RAD51B: variants seen among roughly 807,000 people sequenced by gnomAD.
The protein encoded by RAD51B is DNA repair protein RAD51 homolog 2.
RAD51B carries 38 observed loss-of-function variants against 42.2 expected under a neutral mutation model. That is an observed-to-expected ratio of 0.90 (90% confidence interval 0.70 to 1.18). The LOEUF is 1.18. Among genes scored for constraint, RAD51B ranks in the 50% most tolerant of loss-of-function variants. The pLI is 0.00. For missense variants in RAD51B, 373 were observed against 400.7 expected, an observed-to-expected ratio of 0.93 and a Z score of 0.59; for synonymous variants, 154 against 145.2, an observed-to-expected ratio of 1.06 and a Z score of -0.43.
At position 68,672,282 on chromosome 14, in the gene RAD51B, T is replaced by A. The variant is rs565669826; in HGVS notation, c.*11+21426T>A. The stretch of plus-strand genomic sequence containing the variant: ...AATCCTTACTAGTGCTAGGGAAGGA[T>A]TTAAGAACTGCTTCATGGAAGGGTG... On this transcript the variant is annotated intron_variant, in intron 11 of 11. Coordinates refer to the RAD51B transcript ENST00000488612. Among the ~76,000 whole-genome samples the A allele has an allele frequency of 4.6e-5, 7 of 152,314 alleles. No homozygotes were observed. The South Asian group carries it at 1.4e-3, about 32-fold the overall frequency.
chr14:68,143,928 C>T (rs1320756531), intron 7 of RAD51B, among the ~76,000 whole-genome samples: 4 of 152,170 alleles, frequency 2.6e-5, no homozygotes, highest in African/African-American at 4.8e-5. Context: ...TTTTTTCTCC[C>T]TCCCTTCATC....
At chr14:68,021,401 T>C (rs35803514) in intron 7 of RAD51B, among the ~76,000 whole-genome samples, 2,370 of 152,274 alleles carry the variant, frequency 0.016, 30 homozygotes, top group African/African-American at 0.036. Flanking sequence ...CGTGAGATGG[T>C]GTTTCTCTTA....
chr14:68,563,260 A>G, intron 10 of RAD51B: 1 of 985,366 alleles, frequency 1.0e-6, no homozygotes, highest in Non-Finnish European at 1.2e-6. Context: ...TTCAATGAAA[A>G]GCCCCATCCA....
At chr14:68,306,292 G>A (rs1411026145) in intron 8 of RAD51B, among the ~76,000 whole-genome samples, 1 of 152,194 alleles carries the variant, frequency 6.6e-6, no homozygotes, top group Non-Finnish European at 1.5e-5. Context: ...TTCTGGTCCT[G>A]TAACCAACTT....
At chr14:68,214,541 A>G (rs1016027652) in intron 7 of RAD51B, among the ~76,000 whole-genome samples, 27 of 152,226 alleles carry the variant, frequency 1.8e-4, no homozygotes, top group African/African-American at 5.8e-4. Context: ...AGACACGCAT[A>G]AATAAAAAAA....
chr14:68,275,831 CACACACACA>C (rs2081212274), intron 7 of RAD51B, among the ~76,000 whole-genome samples: 1 of 151,634 alleles, frequency 6.6e-6, no homozygotes, highest in African/African-American at 2.4e-5. Context: ...CACACACACA[CACACACACA>C]CCCTTGAATT....
At chr14:68,520,603 A>G (rs1474439513) in intron 10 of RAD51B, among the ~76,000 whole-genome samples, 1 of 152,196 alleles carries the variant, frequency 6.6e-6, no homozygotes, top group East Asian at 1.9e-4. Context: ...ATGAGCTCAT[A>G]TGTATTTTTT....
At chr14:68,472,563 G>A (rs2086152726) in intron 10 of RAD51B, among the ~76,000 whole-genome samples, 1 of 152,216 alleles carries the variant, frequency 6.6e-6, no homozygotes, top group Non-Finnish European at 1.5e-5. Flanking sequence ...GAAAAGCCAG[G>A]TTGTTTGGAA....
At chr14:68,396,164 GT>G (rs2083915611) in intron 8 of RAD51B, among the ~76,000 whole-genome samples, 1 of 152,168 alleles carries the variant, frequency 6.6e-6, no homozygotes, top group Admixed American at 6.5e-5. Context: ...TATCAGTAAG[GT>G]TTTGTCATCT....
intron 7 of RAD51B, among the ~76,000 whole-genome samples, chr14:67,907,216 C>T (rs971044928): frequency 1.3e-5 from 2 of 151,860 alleles, no homozygotes; most frequent in African/African-American, 2.4e-5. Context: ...TATGGTTTTT[C>T]GTGACTCAAT....
At chr14:67,835,560 AAT>A (rs1407187520) in intron 4 of RAD51B, among the ~76,000 whole-genome samples, 1 of 141,296 alleles carries the variant, frequency 7.1e-6, no homozygotes, top group African/African-American at 2.6e-5. Flanking sequence ...ACATATATGT[AAT>A]ATATACACAT....
At chr14:68,173,709 A>G (rs559434686) in intron 7 of RAD51B, among the ~76,000 whole-genome samples, 2 of 152,336 alleles carry the variant, frequency 1.3e-5, no homozygotes, top group Admixed American at 1.3e-4. Flanking sequence ...GCAGACTATT[A>G]GGGAGTACCC....
At chr14:68,325,789 A>G (rs1262390853) in intron 8 of RAD51B, among the ~76,000 whole-genome samples, 2 of 152,052 alleles carry the variant, frequency 1.3e-5, no homozygotes, top group East Asian at 3.9e-4. Context: ...CCAGGCATAA[A>G]TATACACTCA....
At chr14:68,469,651 G>T (rs1233978779) in intron 10 of RAD51B, among the ~76,000 whole-genome samples, 1 of 152,206 alleles carries the variant, frequency 6.6e-6, no homozygotes, top group Non-Finnish European at 1.5e-5. Flanking sequence ...TAAGCAATCA[G>T]AAAGCTGGAC....
intron 10 of RAD51B, among the ~76,000 whole-genome samples, chr14:68,513,012 A>G (rs1885840769): frequency 6.6e-6 from 1 of 152,148 alleles, no homozygotes; most frequent in African/African-American, 2.4e-5. Context: ...GGGAACAGTA[A>G]GGAAGCCAGA....
intron 7 of RAD51B, among the ~76,000 whole-genome samples, chr14:68,189,297 T>C (rs983825748): frequency 6.6e-6 from 1 of 152,156 alleles, no homozygotes; most frequent in Non-Finnish European, 1.5e-5. Context: ...CAATAAGTAC[T>C]TGAATATGAG....
At chr14:68,495,426 A>C (rs1884432445) in intron 10 of RAD51B, among the ~76,000 whole-genome samples, 1 of 152,152 alleles carries the variant, frequency 6.6e-6, no homozygotes, top group Non-Finnish European at 1.5e-5. Context: ...GGAAATGGTA[A>C]GGATGTCCGA....
intron 8 of RAD51B, among the ~76,000 whole-genome samples, chr14:68,397,411 C>A (rs1032900925): frequency 6.6e-6 from 1 of 152,254 alleles, no homozygotes; most frequent in Admixed American, 6.5e-5. Flanking sequence ...CCCTCTCCCG[C>A]CATGAGGCGG....
At chr14:68,574,111 T>TGTTTGTTTGTTA (rs1889849915) in intron 10 of RAD51B, among the ~76,000 whole-genome samples, 1 of 152,244 alleles carries the variant, frequency 6.6e-6, no homozygotes, top group African/African-American at 2.4e-5. Flanking sequence ...TTTGTTTGTT[T>TGTTTGTTTGTTA]GTTTTTGTTT....
Sources: allele counts gnomAD v4.1 joint callset (sites outside exome capture counted in the v4.1 genomes callset), GRCh38; gene constraint gnomAD v4.1.1; transcripts MANE v1.5; gene names NCBI Gene and HGNC (gene_info 2026-07-23, HGNC 2026-07-21).